The following CRYBG2 variants were observed in gnomAD, a reference collection of about 807,000 sequenced individuals.
CRYBG2 encodes the protein crystallin beta-gamma domain containing 2.
In CRYBG2, 106 loss-of-function variants were observed where a neutral mutation model predicts 153.4. That is an observed-to-expected ratio of 0.69 (90% CI 0.59 to 0.81). The LOEUF (loss-of-function observed/expected upper bound fraction) is 0.81. Among genes scored for constraint, CRYBG2 ranks in the 30% least tolerant of loss-of-function variants. The probability of loss-of-function intolerance (pLI) is 0.00; values close to 1 mark genes in which losing one functional copy is unlikely to be tolerated. For synonymous variants in CRYBG2, 851 were observed against 877.8 expected, an observed-to-expected ratio of 0.97 and a Z score of 0.54; for missense variants, 1,996 against 2,112.0, an observed-to-expected ratio of 0.95 and a Z score of 1.08.
chr1:26,331,626 A>T lies in CRYBG2; in HGVS notation c.4185-8T>A, dbSNP rs1428534213. On this transcript the variant is annotated splice_polypyrimidine_tract_variant and splice_region_variant and intron_variant, in intron 14 of 19. Coordinates refer to ENST00000308182, the MANE Select transcript of CRYBG2 (RefSeq NM_001039775.4). ...TCATCAAACAGGATCCAGCTAGGGA[A>T]GGGGAAGAAATGGAGGGTATCTGAG... is the stretch of plus-strand genomic sequence containing the variant. 2 of 1,613,220 alleles carry T rather than the reference A, an allele frequency of 1.2e-6. No individual in the cohort carries two copies. Among genetic ancestry groups the T allele is most frequent in the African/African-American group, 2.7e-5 (2 of 74,930 alleles).
At chr1:26,329,553 C>T (rs1391988069) in intron 15 of CRYBG2, among the ~76,000 whole-genome samples, 1 of 150,464 alleles carries the variant, frequency 6.6e-6, no homozygotes, top group African/African-American at 2.5e-5. Context: ...AATCACGGCT[C>T]ACTGTAGCCT....
rs1458646682 is a variant in CRYBG2, at chr1:26,344,449, G to A, written c.2209C>T (p.Gln737Ter). The change falls in exon 2 of 20, where the codon CAG becomes TAG. Residue 737 changes from glutamine to a stop codon, truncating the protein, a stop_gained. Transcript: ENST00000308182. LOFTEE classifies it high-confidence loss of function. ...CCCTCGGTGGGATCAGAGACAAGCT[G>A]GGACTCCGTGCTGGCCTCTGCTCCT... ...PTGAEASTESQLVSDPTEGKT... is the reference protein window; with the variant it reads ...PTGAEASTES 1 of 1,527,100 alleles carries A rather than the reference G, an allele frequency of 6.5e-7. No homozygotes were observed. Among genetic ancestry groups the A allele is most frequent in the Non-Finnish European group, 8.8e-7 (1 of 1,133,914 alleles). The allele number at this position is 1,527,100 out of a possible 1,614,324, so 94.6% of individuals were successfully genotyped here. A position where few individuals can be genotyped will look rare whatever the true frequency, so the allele number is the denominator to read the frequency against.
At position 26,343,776 on chromosome 1, in the gene CRYBG2, T is replaced by C. The variant is rs898816474; in HGVS notation, c.2882A>G (p.Lys961Arg). The change falls in exon 2 of 20, where the codon AAG becomes AGG. Residue 961 changes from lysine to arginine, a missense_variant. Transcript: ENST00000308182. The surrounding 1 kb of genome is among the most constrained non-coding windows in gnomAD (Gnocchi z 4.1). ...LCSERSSPTE[K>R]LACSLPLEGW... ...CTCCAGGGGCAGGGAACAGGCAAGCTTCTCCGTTGGGGATGATCTTTCACT... is the reference window on the plus strand; with the variant it reads ...CTCCAGGGGCAGGGAACAGGCAAGCCTCTCCGTTGGGGATGATCTTTCACT... 18 of 1,448,544 alleles carry C rather than the reference T, an allele frequency of 1.2e-5. No individual in the cohort carries two copies. The Admixed American group carries it at 3.4e-4, about 28-fold the overall frequency. The allele number at this position is 1,448,544 out of a possible 1,614,324, so 89.7% of individuals were successfully genotyped here.
At chr1:26,330,460 G>A (rs562168118) in intron 15 of CRYBG2, among the ~76,000 whole-genome samples, 49 of 151,850 alleles carry the variant, frequency 3.2e-4, no homozygotes, top group African/African-American at 1.1e-3. Flanking sequence ...TTCCACATCT[G>A]GAAAAGGGAG....
Position 26,322,117 on chromosome 1 carries a change from G to A in CRYBG2, c.4897+47C>T, listed in dbSNP as rs375278307. 7 of 1,599,916 alleles carry A rather than the reference G, an allele frequency of 4.4e-6. No individual in the cohort carries two copies. In the African/African-American group the frequency reaches 8.0e-5, roughly 18 times the overall value. Reference sequence around the variant, plus strand: ...AGTCAGAGAGAGCTGGGACTCCATGGCTCTCAGCCCCCTCAGGAGCCCTCT... The same window carrying A: ...AGTCAGAGAGAGCTGGGACTCCATGACTCTCAGCCCCCTCAGGAGCCCTCT... On this transcript the variant is annotated intron_variant, in intron 19 of 19. Coordinates refer to ENST00000308182, the MANE Select transcript of CRYBG2 (RefSeq NM_001039775.4).
rs1330124383 is a variant in CRYBG2, at chr1:26,324,606, C to T, written c.4579-296G>A. ...AACTGACAGATACACCTCTGGTACA[C>T]ATGATGGCACAGAAGTTCACAGAAG... On this transcript the variant is annotated intron_variant, in intron 17 of 19. Transcript: ENST00000308182. 2.6e-5 allele frequency among the ~76,000 whole-genome samples: 4 copies of T among 152,030 alleles called. No individual in the cohort carries two copies. The South Asian group carries it at 8.3e-4, about 31-fold the overall frequency.
Position 26,331,525 on chromosome 1 carries a change from G to A in CRYBG2, c.4278C>T (p.Ala1426=), listed in dbSNP as rs758342402. ...TCTGGAGAGAGCCCAGGACTGTGGA[G>A]GCGAGGCAGCCCATGGCCGTGAGAG... ...FPTLTAMGCL[A]STVLGSLQKV... The change falls in exon 15 of 20, where the codon GCC becomes GCT. Residue 1426 remains alanine, a synonymous_variant. Coordinates refer to ENST00000308182, the MANE Select transcript of CRYBG2 (RefSeq NM_001039775.4). 2 of 1,614,138 alleles carry A rather than the reference G, an allele frequency of 1.2e-6. No homozygotes were observed. Among genetic ancestry groups the A allele is most frequent in the South Asian group, 2.2e-5 (2 of 91,084 alleles).
At position 26,325,714 on chromosome 1, in the gene CRYBG2, T is replaced by C. The variant is rs1436237286; in HGVS notation, c.4579-1404A>G. On this transcript the variant is annotated intron_variant, in intron 17 of 19. Transcript: ENST00000308182. The surrounding 1 kb of genome is among the most constrained non-coding windows in gnomAD (Gnocchi z 4.1). ...ACAGAAATACCCTCAGATGGGAACA[T>C]GCATGCACACACACATACACACAGA... 6.6e-6 allele frequency among the ~76,000 whole-genome samples: 1 copy of C among 151,628 alleles called. No homozygotes were observed. Among genetic ancestry groups the C allele is most frequent in the South Asian group, 2.1e-4 (1 of 4,816 alleles).
chr1:26,323,996 G>A lies in CRYBG2; in HGVS notation c.4737+156C>T, dbSNP rs374483184. 1.2e-4 allele frequency among the ~76,000 whole-genome samples: 19 copies of A among 152,238 alleles called. No individual in the cohort carries two copies. In the Middle Eastern group the frequency reaches 0.01, roughly 82 times the overall value. ...CAGACTGGGGCCCAGAGAAGAGCAC[G>A]ACTTGCCCAGGGGGAACAGTCTGCA... is the stretch of plus-strand genomic sequence containing the variant. On this transcript the variant is annotated intron_variant, in intron 18 of 19. Coordinates refer to ENST00000308182, the MANE Select transcript of CRYBG2 (RefSeq NM_001039775.4).
At chr1:26,324,060 C>T in intron 18 of CRYBG2, 92 bp downstream of exon 18, 3 of 1,404,144 alleles carry the variant, frequency 2.1e-6, no homozygotes. Context: ...TGTGTGCATC[C>T]CTCTGTGTTC....
chr1:26,346,547 G>A lies in CRYBG2; in HGVS notation c.111C>T (p.His37=). The A allele has an allele frequency of 6.2e-7, 1 of 1,612,384 alleles. No homozygotes were observed. The stretch of plus-strand genomic sequence containing the variant: ...GGGCCCCTGACACCAGGGACACCTT[G>A]TGAAAACCATGTTTGATCTCTTCCT... ...PTQEEIKHGF[H]KVSLVSGAQM... Residue 37 remains histidine (H), a synonymous_variant, in exon 2 of 20, where the codon CAC becomes CAT. Coordinates refer to ENST00000308182, the MANE Select transcript of CRYBG2 (RefSeq NM_001039775.4). The surrounding 1 kb of genome is among the most constrained non-coding windows in gnomAD (Gnocchi z 4.9).
chr1:26,348,224 A>C (rs754084645), intron 1 of CRYBG2, among the ~76,000 whole-genome samples: 2 of 152,204 alleles, frequency 1.3e-5, no homozygotes, highest in Non-Finnish European at 2.9e-5. Flanking sequence ...TGGTCTCCAG[A>C]GCACAGGGGC....
chr1:26,346,652 C>A lies in CRYBG2; in HGVS notation c.6G>T (p.Glu2Asp). 6.5e-7 allele frequency: 1 copy of A among 1,537,408 alleles called. No individual in the cohort carries two copies. The highest frequency in any genetic ancestry group is 8.8e-7 in the Non-Finnish European group (1 of 1,139,168). Reference protein sequence around the residue: MEEAGGPMARAK... With the variant: MDEAGGPMARAK... The stretch of plus-strand genomic sequence containing the variant: ...CCCGGGCCATGGGCCCACCTGCCTC[C>A]TCCATGTGGGGCCCTGGCAACCTGT... Residue 2 changes from glutamate (E) to aspartate (D), a missense_variant, in exon 2 of 20, where the codon GAG becomes GAT. Transcript: ENST00000308182. This position sits in a 1 kb window ranked among gnomAD's most constrained non-coding sequence, Gnocchi z 4.9.
rs1465798132 is a variant in CRYBG2 at position 26,345,805 on chromosome 1, G to A, written c.853C>T (p.Leu285Phe). 6.3e-7 allele frequency: 1 copy of A among 1,596,516 alleles called. No individual in the cohort carries two copies. Among genetic ancestry groups the A allele is most frequent in the Non-Finnish European group, 8.5e-7 (1 of 1,179,074 alleles). ...GAGGCCAGGGCAGAGCTGTCTTTAA[G>A]CTCTGCTGTCCCGGTCTCAGGCAGC... is the stretch of plus-strand genomic sequence containing the variant. ...RQLPETGTAE[L>F]KDSSALASTG... Residue 285 changes from leucine to phenylalanine, a missense_variant, in exon 2 of 20, where the codon CTT becomes TTT. Physicochemically the swap from Leu to Phe is conservative, Grantham distance 22. Transcript: ENST00000308182.
At position 26,346,544 on chromosome 1, in the gene CRYBG2, C is replaced by A. The variant is rs775032837; in HGVS notation, c.114G>T (p.Lys38Asn). ...TQEEIKHGFH[K>N]VSLVSGAQME... The stretch of plus-strand genomic sequence containing the variant: ...TCTGGGCCCCTGACACCAGGGACAC[C>A]TTGTGAAAACCATGTTTGATCTCTT... The change falls in exon 2 of 20, where the codon AAG becomes AAT. Residue 38 changes from lysine to asparagine, a missense_variant. Transcript: ENST00000308182. The surrounding 1 kb of genome is among the most constrained non-coding windows in gnomAD (Gnocchi z 4.9). The A allele has an allele frequency of 6.2e-7, 1 of 1,612,492 alleles. No individual in the cohort carries two copies. Among genetic ancestry groups the A allele is most frequent in the East Asian group, 2.2e-5 (1 of 44,826 alleles).
intron 18 of CRYBG2, 132 bp from the exon 19 acceptor site, chr1:26,322,455 C>A: frequency 9.7e-7 from 1 of 1,030,244 alleles, no homozygotes; most frequent in South Asian, 2.3e-5. Context: ...TCTTAATCCT[C>A]CTCAGCTTCA....
intron 16 of CRYBG2, 111 bp from the exon 17 acceptor site, chr1:26,328,443 A>G (rs2073959568): frequency 6.9e-7 from 1 of 1,443,988 alleles, no homozygotes; most frequent in Admixed American, 2.1e-5. Context: ...CTCTTCTCCC[A>G]TGGAGGGATT....
intron 7 of CRYBG2, 31 bp downstream of exon 7, chr1:26,338,320 T>A (rs753321973): frequency 6.4e-7 from 1 of 1,565,480 alleles, no homozygotes; most frequent in Non-Finnish European, 8.6e-7. Context: ...AGCCTAGACC[T>A]CCTGGCCTGT....
At chr1:26,342,687 C>T in intron 5 of CRYBG2, 67 bp downstream of exon 5, 2 of 1,577,958 alleles carry the variant, frequency 1.3e-6, no homozygotes, top group Non-Finnish European at 1.7e-6. Context: ...GCGTGAGTCA[C>T]TGCTCCTGGC....
Sources: allele counts gnomAD v4.1 joint callset (sites outside exome capture counted in the v4.1 genomes callset), GRCh38; gene constraint gnomAD v4.1.1; non-coding constraint Gnocchi (gnomAD v3.1); transcripts MANE v1.5; gene names NCBI Gene and HGNC (gene_info 2026-07-23, HGNC 2026-07-21).